CDC40: variants seen among roughly 807,000 people sequenced by gnomAD.
CDC40 encodes pre-mRNA-processing factor 17.
In CDC40, 27 loss-of-function variants were observed where a neutral mutation model predicts 80.6. The observed-to-expected ratio is 0.33, with a 90% CI of 0.25 to 0.46. The LOEUF (loss-of-function observed/expected upper bound fraction) is 0.46. Among genes scored for constraint, CDC40 ranks in the 20% least tolerant of loss-of-function variants. The probability of loss-of-function intolerance (pLI) is 1.00; values close to 1 mark genes in which losing one functional copy is unlikely to be tolerated. For synonymous variants in CDC40, 221 were observed against 232.6 expected (o/e 0.95, Z 0.45); for missense variants, 486 against 694.1 (o/e 0.70, Z 3.37).
intron 1 of CDC40, among the ~76,000 whole-genome samples, chr6:110,191,198 TTTC>T (rs2114650260): frequency 6.6e-6 from 1 of 152,290 alleles, no homozygotes; most frequent in African/African-American, 2.4e-5. Flanking sequence ...TGGTATTATT[TTTC>T]TTGTTGGTTT....
chr6:110,181,878 T>TTC (rs1777201851), intron 1 of CDC40, among the ~76,000 whole-genome samples: 1 of 152,208 alleles, frequency 6.6e-6, no homozygotes, highest in Non-Finnish European at 1.5e-5. Flanking sequence ...TCTTGAAACT[T>TTC]TCTCTCCGTT....
intron 5 of CDC40, 74 bp from the exon 6 acceptor site, chr6:110,210,633 G>A: frequency 7.7e-6 from 4 of 518,202 alleles, no homozygotes; most frequent in South Asian, 4.1e-5. Flanking sequence ...TCATTATAAA[G>A]AATTTATAAC....
chr6:110,204,324 T>C (rs921501231), intron 3 of CDC40, among the ~76,000 whole-genome samples: 2 of 152,194 alleles, frequency 1.3e-5, no homozygotes, highest in Non-Finnish European at 2.9e-5. Context: ...ATTAACATTT[T>C]TAAATGATTT....
chr6:110,215,396 A>C, intron 9 of CDC40, 65 bp downstream of exon 9: 1 of 1,273,154 alleles, frequency 7.9e-7, no homozygotes, highest in Non-Finnish European at 1.1e-6. Context: ...AACATCATTG[A>C]CAATAACTTT....
chr6:110,214,829 T>A (rs1777678879), intron 8 of CDC40, among the ~76,000 whole-genome samples: 1 of 152,242 alleles, frequency 6.6e-6, no homozygotes, highest in South Asian at 2.1e-4. Context: ...CTGTAATACT[T>A]GTTATTCAGA....
At chr6:110,223,697 TAAAAG>T (rs1173963183) in intron 12 of CDC40, among the ~76,000 whole-genome samples, 5 of 152,286 alleles carry the variant, frequency 3.3e-5, no homozygotes, top group South Asian at 2.1e-4. Flanking sequence ...ACCATAATGA[TAAAAG>T]AAAACAAAGG....
rs1453282170 is a variant in CDC40 at position 110,209,163 on chromosome 6, T to C, written c.570T>C (p.Asp190=). The C allele has an allele frequency of 6.2e-7, 1 of 1,609,766 alleles. No homozygotes were observed. The highest frequency in any genetic ancestry group is 1.7e-5 in the Admixed American group (1 of 59,994). The change falls in exon 5 of 15, where the codon GAT becomes GAC. Residue 190 remains aspartate (D), a synonymous_variant. Coordinates refer to ENST00000307731, the MANE Select transcript of CDC40 (RefSeq NM_015891.3). Reference sequence around the variant, plus strand: ...AAGAAAATGATGCATCCAATATTGATGGTTTTTTGGGACCATGGGCAAAAT... The same window carrying C: ...AAGAAAATGATGCATCCAATATTGACGGTTTTTTGGGACCATGGGCAAAAT... ...KFKENDASNI[D]GFLGPWAKYV... is the part of the protein sequence containing the mutation.
At chr6:110,181,010 A>G (rs1190028575) in intron 1 of CDC40, among the ~76,000 whole-genome samples, 1 of 152,196 alleles carries the variant, frequency 6.6e-6, no homozygotes. Flanking sequence ...ATTTTTGAAG[A>G]ACTAGGTTCT....
chr6:110,185,058 GGAAACATTTT>G (rs1186435433), intron 1 of CDC40, among the ~76,000 whole-genome samples: 1 of 152,060 alleles, frequency 6.6e-6, no homozygotes, highest in Non-Finnish European at 1.5e-5. Flanking sequence ...TTCAGGCACT[GGAAACATTTT>G]GAAACATTGA....
intron 10 of CDC40, among the ~76,000 whole-genome samples, chr6:110,218,529 T>C (rs1266154084): frequency 6.6e-6 from 1 of 152,180 alleles, no homozygotes; most frequent in African/African-American, 2.4e-5. Context: ...ACACAGCTAA[T>C]AAGTAGCAGA....
chr6:110,180,975 G>A (rs887633241), intron 1 of CDC40, among the ~76,000 whole-genome samples: 23 of 152,210 alleles, frequency 1.5e-4, no homozygotes, highest in Admixed American at 8.5e-4. Context: ...AGAGTATTGT[G>A]TGAGCAGTGG....
At chr6:110,182,642 T>A (rs1777214136) in intron 1 of CDC40, among the ~76,000 whole-genome samples, 1 of 152,216 alleles carries the variant, frequency 6.6e-6, no homozygotes, top group South Asian at 2.1e-4. Flanking sequence ...AGGCTTCATA[T>A]CTTCCTTATT....
chr6:110,219,704 T>C lies in CDC40; in HGVS notation c.1207-32T>C, dbSNP rs750664405. 7 of 1,608,834 alleles carry C rather than the reference T, an allele frequency of 4.4e-6. No individual in the cohort carries two copies. In the East Asian group the frequency reaches 1.1e-4, roughly 26 times the overall value. Reference sequence around the variant, plus strand: ...GTCTTTCATAAATCCACTCTACTTCTGTCTTTACCTTTTTTCTTGCCTGAT... The same window carrying C: ...GTCTTTCATAAATCCACTCTACTTCCGTCTTTACCTTTTTTCTTGCCTGAT... On this transcript the variant is annotated intron_variant, in intron 11 of 14. Coordinates refer to ENST00000307731, the MANE Select transcript of CDC40 (RefSeq NM_015891.3).
At chr6:110,199,339 A>T (rs1359929920) in intron 2 of CDC40, among the ~76,000 whole-genome samples, 1 of 151,708 alleles carries the variant, frequency 6.6e-6, no homozygotes, top group Non-Finnish European at 1.5e-5. Context: ...ATGCCTATAG[A>T]CATCCCAGCA....
In CDC40 at chr6:110,210,748, G is replaced by GA; in HGVS notation, c.678dup (p.Gly227ArgfsTer18). ...TGGATGAAATCACAGCAAAGAGGCAGAAAAAAGGAAAACAGGAAGAAGAGA... is the reference window on the plus strand; with the variant it reads ...TGGATGAAATCACAGCAAAGAGGCAGAAAAAAAGGAAAACAGGAAGAAGAGA... On this transcript the variant is annotated frameshift_variant, in exon 6 of 15. Coordinates refer to ENST00000307731, the MANE Select transcript of CDC40 (RefSeq NM_015891.3). LOFTEE classifies it high-confidence loss of function. The GA allele has an allele frequency of 3.2e-6, 5 of 1,581,006 alleles. No individual in the cohort carries two copies. The highest frequency in any genetic ancestry group is 2.3e-5 in the South Asian group (2 of 85,266).
At chr6:110,217,421 A>T (rs1777714289) in intron 9 of CDC40, among the ~76,000 whole-genome samples, 2 of 152,208 alleles carry the variant, frequency 1.3e-5, no homozygotes, top group African/African-American at 4.8e-5. Context: ...GCTATGGCAG[A>T]CTTAAAAGAA....
At chr6:110,217,914 A>T in intron 10 of CDC40, 111 bp downstream of exon 10, 1 of 586,748 alleles carries the variant, frequency 1.7e-6, no homozygotes, top group Non-Finnish European at 3.1e-6. Context: ...GCTGATTCTC[A>T]TACCATTCAC....
chr6:110,193,696 C>T (rs1013168430), intron 2 of CDC40, among the ~76,000 whole-genome samples: 6 of 152,180 alleles, frequency 3.9e-5, no homozygotes, highest in Admixed American at 6.5e-5. Context: ...TGAGCCACTG[C>T]GCCCAGCCGA....
intron 12 of CDC40, among the ~76,000 whole-genome samples, chr6:110,225,560 A>G (rs1169459600): frequency 6.6e-6 from 1 of 151,606 alleles, no homozygotes; most frequent in African/African-American, 2.4e-5. Context: ...ATCATTTATC[A>G]TCATTTCTGG....
Sources: allele counts gnomAD v4.1 joint callset (sites outside exome capture counted in the v4.1 genomes callset), GRCh38; gene constraint gnomAD v4.1.1; transcripts MANE v1.5; gene names NCBI Gene and HGNC (gene_info 2026-07-23, HGNC 2026-07-21).